COL16A1: variants seen among roughly 807,000 people sequenced by gnomAD.
COL16A1 encodes the protein collagen type XVI alpha 1 chain.
COL16A1 carries 189 observed loss-of-function variants against 266.3 expected under a neutral mutation model. That is an observed-to-expected ratio of 0.71 (90% CI 0.63 to 0.80). The LOEUF is 0.80. COL16A1 is among the 30% of genes least tolerant of loss of function. COL16A1 has a pLI of 0.00. For synonymous variants in COL16A1, 740 were observed against 782.3 expected (o/e 0.95, Z 0.90); for missense variants, 1,928 against 2,122.4 (o/e 0.91, Z 1.80).
At chr1:31,655,646 T>C in intron 66 of COL16A1, 144 bp from the exon 67 acceptor site, 1 of 1,379,278 alleles carries the variant, frequency 7.3e-7, no homozygotes, top group African/African-American at 1.4e-5. Flanking sequence ...TCCACCTCAC[T>C]GCCCCAGAGT....
At chr1:31,701,006 A>T (rs1263175126) in intron 2 of COL16A1, among the ~76,000 whole-genome samples, 6 of 152,174 alleles carry the variant, frequency 3.9e-5, no homozygotes, top group Non-Finnish European at 8.8e-5. Flanking sequence ...GGAAAGACAG[A>T]GGCCAGAATC....
At chr1:31,689,400 C>T in intron 23 of COL16A1, 1 of 570,778 alleles carries the variant, frequency 1.8e-6, no homozygotes. Flanking sequence ...TAACCCAGTC[C>T]TGCTCACTCC....
Position 31,684,064 on chromosome 1 carries a change from G to A in COL16A1, c.2283+45C>T. The stretch of plus-strand genomic sequence containing the variant: ...GGAGAAAGGGGGACAGGAGGGAGAG[G>A]AGGCAAAGCCCAGGCAGGGAAGGGC... On this transcript the variant is annotated intron_variant, in intron 32 of 70. Transcript: ENST00000373672. 2.5e-6 allele frequency: 4 copies of A among 1,613,064 alleles called. 1 individual carries two copies. In the South Asian group the frequency reaches 3.3e-5, roughly 13 times the overall value.
rs762724899 is a variant in COL16A1 at position 31,688,861 on chromosome 1, C to T, written c.1767G>A (p.Pro589=). The T allele has an allele frequency of 3.9e-5, 63 of 1,612,672 alleles. No homozygotes were observed. The highest frequency in any genetic ancestry group is 3.2e-4 in the Admixed American group (19 of 59,746). Residue 589 remains proline, a splice_region_variant and synonymous_variant, in exon 25 of 71, where the codon CCG becomes CCA. Transcript: ENST00000373672. The surrounding 1 kb of genome is among the most constrained non-coding windows in gnomAD (Gnocchi z 4.9). The part of the protein sequence containing the change: ...GSPGFGLPGL[P]GRAGVPGLKG... ...GGGCTGGGAGAAAGTCGTCACTCAC[C>T]GGAAGGCCAGGCAGACCAAAGCCAG... is the stretch of plus-strand genomic sequence containing the variant.
intron 37 of COL16A1, 114 bp from the exon 38 acceptor site, chr1:31,681,181 C>T: frequency 7.0e-7 from 1 of 1,421,312 alleles, no homozygotes; most frequent in East Asian, 2.4e-5. Context: ...TCCCCTGGAG[C>T]CCAGGGCCGA....
chr1:31,660,500 C>T, intron 62 of COL16A1, 85 bp downstream of exon 62: 1 of 1,554,180 alleles, frequency 6.4e-7, no homozygotes, highest in South Asian at 1.2e-5. Flanking sequence ...CAAGTTCTCT[C>T]AGGTCATGAC....
intron 62 of COL16A1, chr1:31,660,130 T>C (rs1245026927): frequency 1.3e-5 from 2 of 154,712 alleles, no homozygotes; most frequent in African/African-American, 2.4e-5. Context: ...TGCCTGGCAG[T>C]CATCTATGTT....
intron 31 of COL16A1, 66 bp downstream of exon 31, chr1:31,684,457 C>G: frequency 6.3e-7 from 1 of 1,575,236 alleles, no homozygotes; most frequent in African/African-American, 1.4e-5. Flanking sequence ...CCTTCCCTCA[C>G]TGGTGCGACA....
At chr1:31,654,723 A>C in intron 68 of COL16A1, 69 bp downstream of exon 68, 7 of 1,612,222 alleles carry the variant, frequency 4.3e-6, no homozygotes, top group Non-Finnish European at 5.9e-6. Context: ...GAAAGAGGCC[A>C]AGGCAGGGCA....
At position 31,657,426 on chromosome 1, in the gene COL16A1, C is replaced by A. The variant is rs1012163901; in HGVS notation, c.4021-358G>T. The A allele has an allele frequency of 8.2e-6, 2 of 242,782 alleles. No homozygotes were observed. Among genetic ancestry groups the A allele is most frequent in the Non-Finnish European group, 1.6e-5 (2 of 125,044 alleles). The allele number at this position is 242,782 out of a possible 1,614,324, so 15.0% of individuals were successfully genotyped here. ...ACACATGAACAGCCTGAGCCGGCCCCCTCCCTGAGACCAGCAAGGCAGCCT... is the reference window on the plus strand; with the variant it reads ...ACACATGAACAGCCTGAGCCGGCCCACTCCCTGAGACCAGCAAGGCAGCCT... On this transcript the variant is annotated intron_variant, in intron 64 of 70. Transcript: ENST00000373672. The surrounding 1 kb of genome is among the most constrained non-coding windows in gnomAD (Gnocchi z 6.4).
Position 31,697,721 on chromosome 1 carries a change from A to G in COL16A1, c.657+185T>C, listed in dbSNP as rs1644559482. Among the ~76,000 whole-genome samples the G allele has an allele frequency of 6.6e-6, 1 of 152,198 alleles. No individual in the cohort carries two copies. The highest frequency in any genetic ancestry group is 6.5e-5 in the Admixed American group (1 of 15,290). On this transcript the variant is annotated intron_variant, in intron 6 of 70. Transcript: ENST00000373672. This position sits in a 1 kb window ranked among gnomAD's most constrained non-coding sequence, Gnocchi z 4.2. ...AAGGAAGATGGTGCTGCAGACACTTATAAGGACCAGATCATGAAGGGCCTT... is the reference window on the plus strand; with the variant it reads ...AAGGAAGATGGTGCTGCAGACACTTGTAAGGACCAGATCATGAAGGGCCTT...
chr1:31,689,593 C>CA, intron 23 of COL16A1, 148 bp downstream of exon 23: 1 of 680,658 alleles, frequency 1.5e-6, no homozygotes. Flanking sequence ...GACCCCTTAC[C>CA]ACAGTAAGAG....
At chr1:31,653,275 G>A (rs1640788894) in intron 70 of COL16A1, among the ~76,000 whole-genome samples, 1 of 152,172 alleles carries the variant, frequency 6.6e-6, no homozygotes, top group Admixed American at 6.5e-5. Flanking sequence ...ACTTCCAAAG[G>A]GCTTAAGTGG....
intron 23 of COL16A1, chr1:31,689,502 T>A: frequency 1.7e-6 from 1 of 578,212 alleles, no homozygotes; most frequent in Non-Finnish European, 3.1e-6. Flanking sequence ...AAAGGCACCC[T>A]AGAGTCTCCT....
chr1:31,661,592 C>T, intron 59 of COL16A1, 68 bp downstream of exon 59: 1 of 1,612,004 alleles, frequency 6.2e-7, no homozygotes, highest in Non-Finnish European at 8.5e-7. Flanking sequence ...TGGATTTGAG[C>T]TGTTGCAGCC....
In COL16A1 at chr1:31,689,723, G is replaced by A; in HGVS notation, c.1620+18C>T. On this transcript the variant is annotated intron_variant, in intron 23 of 70. Transcript: ENST00000373672. ...GTGTGTTGGGGGAGGTCCCTCAATGGTCACCCTGGGCACTCACCCTGGCTG... is the reference window on the plus strand; with the variant it reads ...GTGTGTTGGGGGAGGTCCCTCAATGATCACCCTGGGCACTCACCCTGGCTG... 1 of 1,601,206 alleles carries A rather than the reference G, an allele frequency of 6.2e-7. No homozygotes were observed. The highest frequency in any genetic ancestry group is 8.6e-7 in the Non-Finnish European group (1 of 1,168,402).
intron 11 of COL16A1, 147 bp downstream of exon 11, chr1:31,695,039 G>T: frequency 2.5e-6 from 2 of 815,232 alleles, no homozygotes; most frequent in East Asian, 2.7e-5. Flanking sequence ...TGGGGGTTAA[G>T]CCCGGCTCTG....
chr1:31,702,158 G>A lies in COL16A1; in HGVS notation c.36C>T (p.Leu12=), dbSNP rs541304102. Residue 12 remains leucine (L), a synonymous_variant, in exon 2 of 71, where the codon CTC becomes CTT. Transcript: ENST00000373672. ...WVSWAPGLWL[L]GLWATFGHGA... ...CATGGCCGAAGGTAGCCCAAAGACC[G>A]AGCAGCCACAGGCCAGGAGCCCAGG... 33 of 1,614,116 alleles carry A rather than the reference G, an allele frequency of 2.0e-5. No individual in the cohort carries two copies. The South Asian group carries it at 2.3e-4, about 11-fold the overall frequency.
In COL16A1 at chr1:31,702,242, G is replaced by T; in HGVS notation, c.-34-15C>A. On this transcript the variant is annotated splice_polypyrimidine_tract_variant and intron_variant, in intron 1 of 70. Coordinates refer to ENST00000373672, the MANE Select transcript of COL16A1 (RefSeq NM_001856.4). Reference sequence around the variant, plus strand: ...AGCCACAGCACCTGAAAACCACAGAGACCGGGAAGGCGGATTTCTGAGTTC... The same window carrying T: ...AGCCACAGCACCTGAAAACCACAGATACCGGGAAGGCGGATTTCTGAGTTC... 1 of 1,612,818 alleles carries T rather than the reference G, an allele frequency of 6.2e-7. No individual in the cohort carries two copies. The highest frequency in any genetic ancestry group is 1.1e-5 in the South Asian group (1 of 90,956).
Sources: allele counts gnomAD v4.1 joint callset (sites outside exome capture counted in the v4.1 genomes callset), GRCh38; gene constraint gnomAD v4.1.1; non-coding constraint Gnocchi (gnomAD v3.1); transcripts MANE v1.5; gene names NCBI Gene and HGNC (gene_info 2026-07-23, HGNC 2026-07-21).